PRKCA: variants seen among roughly 807,000 people sequenced by gnomAD.
PRKCA encodes the protein protein kinase C alpha type.
PRKCA carries 27 observed loss-of-function variants against 87.0 expected under a neutral mutation model. The observed-to-expected ratio is 0.31, with a 90% CI of 0.23 to 0.43. The LOEUF (loss-of-function observed/expected upper bound fraction) is 0.43. PRKCA is among the 20% of genes least tolerant of loss of function. PRKCA has a pLI of 1.00. For synonymous variants in PRKCA, 329 were observed against 311.1 expected, an observed-to-expected ratio of 1.06 and a Z score of -0.61; for missense variants, 518 against 852.3, an observed-to-expected ratio of 0.61 and a Z score of 4.88.
chr17:66,329,013 G>A (rs1906160313), intron 2 of PRKCA, among the ~76,000 whole-genome samples: 1 of 152,218 alleles, frequency 6.6e-6, no homozygotes. Flanking sequence ...GTGTCTCCTT[G>A]TGTAGGAGGA....
At chr17:66,392,135 C>G (rs1910397546) in intron 2 of PRKCA, among the ~76,000 whole-genome samples, 1 of 151,440 alleles carries the variant, frequency 6.6e-6, no homozygotes, top group South Asian at 2.1e-4. Context: ...GAGGCTGAGG[C>G]AGGAGAATGG....
intron 2 of PRKCA, among the ~76,000 whole-genome samples, chr17:66,446,279 TC>T (rs1234567066): frequency 1.3e-5 from 2 of 151,924 alleles, no homozygotes; most frequent in Non-Finnish European, 2.9e-5. Flanking sequence ...ACACTCACAC[TC>T]CCACCTCTTG....
intron 10 of PRKCA, among the ~76,000 whole-genome samples, chr17:66,738,351 C>T (rs1974085815): frequency 6.6e-6 from 1 of 152,210 alleles, no homozygotes; most frequent in Non-Finnish European, 1.5e-5. Flanking sequence ...CCAGACACTG[C>T]AAACCAGCCT....
chr17:66,590,930 C>T (rs982845224), intron 3 of PRKCA, among the ~76,000 whole-genome samples: 4 of 152,160 alleles, frequency 2.6e-5, no homozygotes, highest in Middle Eastern at 3.4e-3. Context: ...AACCCACCGC[C>T]GCAGCTTAAA....
intron 2 of PRKCA, among the ~76,000 whole-genome samples, chr17:66,367,323 C>T (rs1260836992): frequency 6.6e-6 from 1 of 152,128 alleles, no homozygotes; most frequent in Non-Finnish European, 1.5e-5. Context: ...AAGAAAAAGC[C>T]CCTGGTCACA....
chr17:66,404,742 C>CTTT (rs773919783), intron 2 of PRKCA, among the ~76,000 whole-genome samples: 691 of 54,174 alleles, frequency 0.013, 164 homozygotes, highest in African/African-American at 0.05. Context: ...GATGGTAGGC[C>CTTT]TTTTTTTTTT....
intron 2 of PRKCA, among the ~76,000 whole-genome samples, chr17:66,455,847 T>C (rs1914554270): frequency 6.6e-6 from 1 of 152,186 alleles, no homozygotes; most frequent in Non-Finnish European, 1.5e-5. Flanking sequence ...TGCTCTCTCT[T>C]TTCTGATTTC....
intron 11 of PRKCA, among the ~76,000 whole-genome samples, chr17:66,739,162 G>T (rs143089353): frequency 6.6e-6 from 1 of 152,134 alleles, no homozygotes; most frequent in Non-Finnish European, 1.5e-5. Flanking sequence ...GATTACAGGC[G>T]TGAGTGAGCC....
intron 13 of PRKCA, among the ~76,000 whole-genome samples, chr17:66,768,767 C>A (rs1974866417): frequency 6.6e-6 from 1 of 152,204 alleles, no homozygotes; most frequent in African/African-American, 2.4e-5. Flanking sequence ...GAGCCAATCA[C>A]CTCCCTCCAG....
At chr17:66,390,573 A>C (rs2035287858) in intron 2 of PRKCA, among the ~76,000 whole-genome samples, 1 of 152,188 alleles carries the variant, frequency 6.6e-6, no homozygotes, top group Admixed American at 6.5e-5. Flanking sequence ...AGGAGATGCC[A>C]TGAACTTGGA....
intron 2 of PRKCA, among the ~76,000 whole-genome samples, chr17:66,437,731 T>TTTTTTTTTTTTA (rs55779501): frequency 4.5e-4 from 5 of 11,138 alleles, no homozygotes; most frequent in Admixed American, 1.4e-3. Context: ...TTTTTTTTTT[T>TTTTTTTTTTTTA]GAGCGGGGGG....
intron 2 of PRKCA, among the ~76,000 whole-genome samples, chr17:66,341,463 T>G (rs1282050754): frequency 6.6e-6 from 1 of 152,244 alleles, no homozygotes; most frequent in African/African-American, 2.4e-5. Flanking sequence ...CGTGTTGTTC[T>G]GAAATCTGGG....
intron 5 of PRKCA, among the ~76,000 whole-genome samples, chr17:66,657,355 A>G (rs1016010316): frequency 6.6e-6 from 1 of 152,204 alleles, no homozygotes; most frequent in African/African-American, 2.4e-5. Context: ...CAAACTTCCT[A>G]TAAAAGTTTT....
intron 9 of PRKCA, among the ~76,000 whole-genome samples, chr17:66,733,186 A>G (rs1973946904): frequency 6.6e-6 from 1 of 151,734 alleles, no homozygotes. Flanking sequence ...TGTGATTTGT[A>G]CAGTCATCCA....
chr17:66,613,435 C>T (rs1443088518), intron 3 of PRKCA, among the ~76,000 whole-genome samples: 1 of 152,350 alleles, frequency 6.6e-6, no homozygotes, highest in Non-Finnish European at 1.5e-5. Context: ...CCACTAGTTT[C>T]CTAAAGCTGC....
intron 3 of PRKCA, among the ~76,000 whole-genome samples, chr17:66,534,483 T>C (rs1413398185): frequency 2.6e-5 from 4 of 152,060 alleles, no homozygotes; most frequent in African/African-American, 9.7e-5. Context: ...CTGGCTAACA[T>C]GGTGAAACCC....
intron 2 of PRKCA, among the ~76,000 whole-genome samples, chr17:66,326,123 G>A (rs1193156909): frequency 1.3e-5 from 2 of 152,164 alleles, no homozygotes; most frequent in Non-Finnish European, 2.9e-5. Context: ...TTCACTAAAT[G>A]AGGACAGATT....
chr17:66,526,719 C>T (rs1260666183), intron 3 of PRKCA, among the ~76,000 whole-genome samples: 1 of 151,818 alleles, frequency 6.6e-6, no homozygotes, highest in African/African-American at 2.4e-5. Context: ...GGAGGAATTT[C>T]AAAGTCATAT....
chr17:66,324,760 AT>A (rs1319232822), intron 2 of PRKCA, among the ~76,000 whole-genome samples: 1 of 152,226 alleles, frequency 6.6e-6, no homozygotes, highest in African/African-American at 2.4e-5. Flanking sequence ...AAATGAGGGA[AT>A]TAGACTCTAG....
Sources: gnomAD v4.1 joint callset for allele counts (sites outside exome capture counted in the v4.1 genomes callset) on GRCh38, gnomAD v4.1.1 for gene constraint, MANE v1.5 for transcripts, NCBI Gene and HGNC (gene_info 2026-07-23, HGNC 2026-07-21) for gene names.